CAMKMT: variants seen among roughly 807,000 people sequenced by gnomAD.
The protein encoded by CAMKMT is CaM KMT.
CAMKMT carries 53 observed loss-of-function variants against 48.0 expected under a neutral mutation model. That is an observed-to-expected ratio of 1.10 (90% CI 0.89 to 1.39). The LOEUF is 1.39. CAMKMT is among the 40% of genes most tolerant of loss of function. CAMKMT has a pLI of 0.00. For missense variants in CAMKMT, 428 were observed against 402.7 expected, an observed-to-expected ratio of 1.06 and a Z score of -0.54; for synonymous variants, 165 against 152.3, an observed-to-expected ratio of 1.08 and a Z score of -0.61.
At chr2:44,595,244 C>A (rs1670580552) in intron 3 of CAMKMT, among the ~76,000 whole-genome samples, 1 of 151,362 alleles carries the variant, frequency 6.6e-6, no homozygotes, top group South Asian at 2.1e-4. Flanking sequence ...GACAGTGTGG[C>A]AATTCACCAA....
intron 3 of CAMKMT, among the ~76,000 whole-genome samples, chr2:44,447,073 C>T (rs1291915414): frequency 3.3e-5 from 5 of 152,060 alleles, no homozygotes; most frequent in Admixed American, 3.3e-4. Flanking sequence ...AGTAAATAAT[C>T]AATTTTAATT....
chr2:44,671,084 C>G (rs544072855), intron 3 of CAMKMT, among the ~76,000 whole-genome samples: 1 of 152,066 alleles, frequency 6.6e-6, no homozygotes, highest in African/African-American at 2.4e-5. Flanking sequence ...TTTAGAATGG[C>G]CTAGTATTAT....
intron 3 of CAMKMT, among the ~76,000 whole-genome samples, chr2:44,515,085 T>C (rs1670769572): frequency 6.6e-6 from 1 of 152,238 alleles, no homozygotes; most frequent in Admixed American, 6.5e-5. Flanking sequence ...GTTTTAACTC[T>C]AAGGGGTGGG....
chr2:44,596,247 G>A (rs926441213), intron 3 of CAMKMT, among the ~76,000 whole-genome samples: 1 of 151,880 alleles, frequency 6.6e-6, no homozygotes, highest in Non-Finnish European at 1.5e-5. Flanking sequence ...TCAGGAGTTC[G>A]AGACCAGCCT....
At chr2:44,612,110 T>C (rs926406753) in intron 3 of CAMKMT, among the ~76,000 whole-genome samples, 1 of 152,230 alleles carries the variant, frequency 6.6e-6, no homozygotes, top group African/African-American at 2.4e-5. Flanking sequence ...TATGTAATTT[T>C]AAATTTTAAA....
At chr2:44,621,075 T>G (rs565136148) in intron 3 of CAMKMT, among the ~76,000 whole-genome samples, 2 of 152,054 alleles carry the variant, frequency 1.3e-5, no homozygotes, top group Admixed American at 1.3e-4. Flanking sequence ...GAGACCATCC[T>G]GGCTAAAACG....
intron 3 of CAMKMT, among the ~76,000 whole-genome samples, chr2:44,635,474 A>G (rs10168462): frequency 0.63 from 95,807 of 151,998 alleles, 30,734 homozygotes; most frequent in Middle Eastern, 0.7. Context: ...AATATAAATG[A>G]GATAATTTAA....
intron 7 of CAMKMT, among the ~76,000 whole-genome samples, chr2:44,724,328 T>TA (rs1375837837): frequency 6.6e-6 from 1 of 152,190 alleles, no homozygotes; most frequent in Non-Finnish European, 1.5e-5. Context: ...TTCATACAGG[T>TA]AGAGATCTTC....
Position 44,670,875 on chromosome 2 carries a change from G to A in CAMKMT, c.377-33408G>A, listed in dbSNP as rs570718575. Among the ~76,000 whole-genome samples the A allele has an allele frequency of 6.7e-4, 102 of 152,140 alleles. 1 individual carries two copies. Among genetic ancestry groups the A allele is most frequent in the African/African-American group, 2.3e-3 (96 of 41,508 alleles). On this transcript the variant is annotated intron_variant, in intron 3 of 10. Coordinates refer to ENST00000378494, the MANE Select transcript of CAMKMT (RefSeq NM_024766.5). ...CATCTTTCGCCAATCCTCTCTCCAT[G>A]GTTCCTTAGAGATTACACTCTATTG...
intron 4 of CAMKMT, chr2:44,705,569 C>T: frequency 1.0e-6 from 1 of 976,942 alleles, no homozygotes; most frequent in Non-Finnish European, 1.2e-6. Context: ...AGACTGTCAG[C>T]TTTAACTCTG....
intron 3 of CAMKMT, among the ~76,000 whole-genome samples, chr2:44,415,104 TG>T (rs1316927844): frequency 1.3e-5 from 2 of 152,154 alleles, no homozygotes; most frequent in African/African-American, 4.8e-5. Flanking sequence ...TGAGCTGAGA[TG>T]GCGCCACTGC....
intron 3 of CAMKMT, among the ~76,000 whole-genome samples, chr2:44,670,161 C>T (rs552372246): frequency 2.2e-4 from 34 of 152,264 alleles, no homozygotes; most frequent in African/African-American, 7.9e-4. Context: ...CAGTTTTTAG[C>T]TTGTCTGTTT....
At chr2:44,500,672 C>A (rs532496314) in intron 3 of CAMKMT, among the ~76,000 whole-genome samples, 1 of 150,470 alleles carries the variant, frequency 6.6e-6, no homozygotes, top group African/African-American at 2.4e-5. Flanking sequence ...AGCATTTTGC[C>A]CTTTTCTCAG....
intron 3 of CAMKMT, among the ~76,000 whole-genome samples, chr2:44,507,384 T>G (rs1670315357): frequency 6.6e-6 from 1 of 152,190 alleles, no homozygotes. Flanking sequence ...AAAAAAAACC[T>G]TATGGATAGT....
intron 3 of CAMKMT, among the ~76,000 whole-genome samples, chr2:44,619,961 A>C (rs776440791): frequency 2.6e-5 from 4 of 152,158 alleles, no homozygotes; most frequent in Non-Finnish European, 5.9e-5. Flanking sequence ...GTAAGTGACA[A>C]CCCATGCCCA....
intron 7 of CAMKMT, among the ~76,000 whole-genome samples, chr2:44,737,754 T>TTCTCTCTCTCTCTCTCTCTTTCTC (rs1679434769): frequency 2.7e-5 from 4 of 149,024 alleles, no homozygotes; most frequent in Non-Finnish European, 6.0e-5. Context: ...CTCTCTCTCT[T>TTCTCTCTCTCTCTCTCTCTTTCTC]TCTCTCTCTC....
At chr2:44,668,542 T>C (rs1189715553) in intron 3 of CAMKMT, among the ~76,000 whole-genome samples, 2 of 152,208 alleles carry the variant, frequency 1.3e-5, no homozygotes, top group African/African-American at 2.4e-5. Context: ...GTTTCTCTGC[T>C]CTTTTTCATA....
intron 3 of CAMKMT, among the ~76,000 whole-genome samples, chr2:44,568,023 G>A (rs1182014699): frequency 6.7e-6 from 1 of 150,310 alleles, no homozygotes; most frequent in East Asian, 2.0e-4. Context: ...CGCTCTTAGA[G>A]CTTATAATAA....
chr2:44,769,151 A>ATT (rs1366369023), intron 10 of CAMKMT, among the ~76,000 whole-genome samples: 1 of 151,912 alleles, frequency 6.6e-6, no homozygotes, highest in African/African-American at 2.4e-5. Flanking sequence ...AAATCTACAG[A>ATT]TTTAGGCAAC....
Sources: gnomAD v4.1 joint callset for allele counts (sites outside exome capture counted in the v4.1 genomes callset) on GRCh38, gnomAD v4.1.1 for gene constraint, MANE v1.5 for transcripts, NCBI Gene and HGNC (gene_info 2026-07-23, HGNC 2026-07-21) for gene names.